DLGAP2: variants seen among roughly 807,000 people sequenced by gnomAD.
DLGAP2 encodes the protein disks large-associated protein 2.
Under a neutral mutation model 100.3 loss-of-function variants are expected in DLGAP2, and 26 were observed. The observed-to-expected ratio is 0.26, with a 90% CI of 0.19 to 0.36. The LOEUF is 0.36. Ranked by LOEUF, DLGAP2 falls within the 10% of genes least tolerant of loss-of-function variation. The pLI, the probability that DLGAP2 is intolerant of heterozygous loss-of-function variation, is 1.00. For missense variants in DLGAP2, 1,858 were observed against 1,453.2 expected (o/e 1.28, Z -4.53); for synonymous variants, 886 against 630.1 (o/e 1.41, Z -6.08).
At chr8:1,349,951 G>A (rs916061758) in intron 3 of DLGAP2, among the ~76,000 whole-genome samples, 21 of 152,252 alleles carry the variant, frequency 1.4e-4, no homozygotes, top group Middle Eastern at 3.4e-3. Context: ...TTACAAATAT[G>A]CTGTACTTTA....
intron 3 of DLGAP2, among the ~76,000 whole-genome samples, chr8:1,434,163 C>T (rs894150180): frequency 6.6e-6 from 1 of 152,086 alleles, no homozygotes; most frequent in African/African-American, 2.4e-5. Context: ...ATTAATATGA[C>T]CGTCAGCAGC....
Position 1,386,431 on chromosome 8 carries a change from G to C in DLGAP2, c.107-114935G>C, listed in dbSNP as rs541224439. Among the ~76,000 whole-genome samples, 11 of 152,310 alleles carry C rather than the reference G, an allele frequency of 7.2e-5. 1 individual carries two copies. The South Asian group carries it at 2.3e-3, about 32-fold the overall frequency. On this transcript the variant is annotated intron_variant, in intron 3 of 14. Coordinates refer to ENST00000637795, the MANE Select transcript of DLGAP2 (RefSeq NM_001346810.2). ...GGAGAAAAGACAGATCGAGAAACCAGATGGCTTCCATCTTCTCCAGAGCGG... is the reference window on the plus strand; with the variant it reads ...GGAGAAAAGACAGATCGAGAAACCACATGGCTTCCATCTTCTCCAGAGCGG...
intron 1 of DLGAP2, 58 bp downstream of exon 1, chr8:737,883 C>T (rs921302715): frequency 5.4e-6 from 2 of 370,100 alleles, no homozygotes; most frequent in Non-Finnish European, 9.6e-6. Flanking sequence ...GCCGTCGAGG[C>T]GGGGAGGGCG....
intron 1 of DLGAP2, among the ~76,000 whole-genome samples, chr8:796,622 C>A (rs1796042252): frequency 6.6e-6 from 1 of 152,168 alleles, no homozygotes; most frequent in Admixed American, 6.5e-5. Flanking sequence ...GCAGTGCGTC[C>A]CTCCTGTCCC....
chr8:1,470,002 A>G (rs866647142), intron 3 of DLGAP2, among the ~76,000 whole-genome samples: 2,539 of 113,660 alleles, frequency 0.022, 90 homozygotes, highest in African/African-American at 0.087. Context: ...AAAAAAAAAA[A>G]GAAAAAAAAA....
At chr8:854,238 G>C (rs111490482) in intron 1 of DLGAP2, among the ~76,000 whole-genome samples, 1 of 152,180 alleles carries the variant, frequency 6.6e-6, no homozygotes. Context: ...GGGGGACAGC[G>C]CATTGCGGGG....
chr8:1,351,797 A>C (rs1308602433), intron 3 of DLGAP2, among the ~76,000 whole-genome samples: 2 of 77,656 alleles, frequency 2.6e-5, no homozygotes, highest in Admixed American at 1.4e-4. Flanking sequence ...GTGTGTGGAA[A>C]GGACGTGCGC....
chr8:1,452,961 C>T (rs1009055883), intron 3 of DLGAP2, among the ~76,000 whole-genome samples: 6 of 152,080 alleles, frequency 3.9e-5, no homozygotes, highest in Middle Eastern at 3.2e-3. Context: ...ACTTGTCGGG[C>T]GGCAGGTGTT....
chr8:1,342,266 G>T (rs897301409), intron 3 of DLGAP2, among the ~76,000 whole-genome samples: 2 of 152,142 alleles, frequency 1.3e-5, no homozygotes, highest in African/African-American at 4.8e-5. Context: ...GGTTTTAAGT[G>T]ACTTGTTTCA....
intron 1 of DLGAP2, among the ~76,000 whole-genome samples, chr8:808,713 T>C (rs1487453717): frequency 6.6e-6 from 1 of 152,130 alleles, no homozygotes; most frequent in Non-Finnish European, 1.5e-5. Context: ...GTGTGGGCCA[T>C]CTCAGGGCAG....
chr8:1,507,733 A>T (rs892078482), intron 4 of DLGAP2, among the ~76,000 whole-genome samples: 1 of 141,678 alleles, frequency 7.1e-6, no homozygotes, highest in Non-Finnish European at 1.5e-5. Context: ...TCTCCCAGGC[A>T]TTCGTTCACC....
intron 3 of DLGAP2, among the ~76,000 whole-genome samples, chr8:1,386,082 C>T (rs1457008565): frequency 2.0e-5 from 3 of 152,150 alleles, no homozygotes; most frequent in African/African-American, 7.2e-5. Context: ...AAATTGAAAA[C>T]AACAATCTCC....
intron 2 of DLGAP2, among the ~76,000 whole-genome samples, chr8:975,117 C>T (rs950288639): frequency 6.6e-6 from 1 of 152,168 alleles, no homozygotes; most frequent in Non-Finnish European, 1.5e-5. Flanking sequence ...ATGAATAACT[C>T]TGTGTCCAAG....
rs1799718409 is a variant in DLGAP2, at chr8:1,706,826, A to T, written c.*5420A>T. The stretch of plus-strand genomic sequence containing the variant: ...AACCACGCAAGGGTTTGAGAAGCCC[A>T]CCCCTCTAATTCCAGGCGTTTGTAA... On this transcript the variant is annotated 3_prime_UTR_variant, in exon 15 of 15. Coordinates refer to ENST00000637795, the MANE Select transcript of DLGAP2 (RefSeq NM_001346810.2). The T allele has an allele frequency of 6.6e-6, 1 of 152,052 alleles. No homozygotes were observed. The highest frequency in any genetic ancestry group is 6.6e-5 in the Admixed American group (1 of 15,264). The allele number at this position is 152,052 out of a possible 1,614,324, so 9.4% of individuals were successfully genotyped here.
intron 1 of DLGAP2, among the ~76,000 whole-genome samples, chr8:816,770 A>C (rs1323680640): frequency 6.6e-6 from 1 of 152,208 alleles, no homozygotes; most frequent in African/African-American, 2.4e-5. Context: ...CTAGATCTCT[A>C]GTAAAAACAG....
chr8:1,334,271 C>G (rs1284780435), intron 3 of DLGAP2, among the ~76,000 whole-genome samples: 1 of 152,212 alleles, frequency 6.6e-6, no homozygotes, highest in Non-Finnish European at 1.5e-5. Context: ...TGGCAGTCAG[C>G]ATTTGCCACC....
chr8:1,112,857 AT>A (rs1314447832), intron 2 of DLGAP2, among the ~76,000 whole-genome samples: 3 of 152,156 alleles, frequency 2.0e-5, no homozygotes. Flanking sequence ...TAAGTCTTTA[AT>A]CCATCTAGAG....
intron 3 of DLGAP2, among the ~76,000 whole-genome samples, chr8:1,346,961 T>C (rs533210707): frequency 2.0e-5 from 3 of 151,664 alleles, no homozygotes; most frequent in African/African-American, 7.3e-5. Context: ...CTGTGGAAGT[T>C]GAGTTCCCAT....
intron 2 of DLGAP2, among the ~76,000 whole-genome samples, chr8:1,126,187 C>T (rs1398872095): frequency 1.3e-5 from 2 of 152,300 alleles, no homozygotes; most frequent in Non-Finnish European, 1.5e-5. Context: ...GCTCCACCTG[C>T]GAGGCTTTGG....
Sources: gnomAD v4.1 joint callset for allele counts (sites outside exome capture counted in the v4.1 genomes callset) on GRCh38, gnomAD v4.1.1 for gene constraint, MANE v1.5 for transcripts, NCBI Gene and HGNC (gene_info 2026-07-23, HGNC 2026-07-21) for gene names.